Variants in EIF2S1 observed in about 807,000 individuals in gnomAD.
EIF2S1 encodes eukaryotic translation initiation factor 2 subunit 1.
A neutral mutation model predicts 33.5 loss-of-function variants in EIF2S1; 5 were observed. The ratio of observed to expected loss-of-function variants is 0.15; its 90% CI spans 0.08 to 0.31. The LOEUF (loss-of-function observed/expected upper bound fraction) is 0.31, where lower values mean the gene tolerates loss of function less well. Among genes scored for constraint, EIF2S1 ranks in the 10% least tolerant of loss-of-function variants. The pLI is 1.00. For synonymous variants in EIF2S1, 99 were observed against 127.5 expected, an observed-to-expected ratio of 0.78 and a Z score of 1.51; for missense variants, 191 against 384.6, an observed-to-expected ratio of 0.50 and a Z score of 4.21.
At chr14:67,375,753 C>G (rs1018991075) in intron 3 of EIF2S1, among the ~76,000 whole-genome samples, 1 of 152,170 alleles carries the variant, frequency 6.6e-6, no homozygotes, top group African/African-American at 2.4e-5. Flanking sequence ...AGTCTCTAAA[C>G]TAGCAGCATT....
rs3067321 is a variant in EIF2S1, at chr14:67,375,232, C to CTGTGTGTG, written c.321+729_321+736dup. Among the ~76,000 whole-genome samples the CTGTGTGTG allele has an allele frequency of 7.0e-4, 97 of 137,670 alleles. 1 individual carries two copies. The highest frequency in any genetic ancestry group is 2.8e-3 in the East Asian group (13 of 4,628). The allele number at this position is 137,670 out of a possible 152,430, so 90.3% of individuals were successfully genotyped here. ...TCCTTCATCCTCTACATCCTCAGTT[C>CTGTGTGTG]TGTGTGTGTGTGTGTGTGTGTGTGT... On this transcript the variant is annotated intron_variant, in intron 3 of 7. Transcript: ENST00000256383.
chr14:67,369,357 C>T (rs1310268040), intron 2 of EIF2S1, among the ~76,000 whole-genome samples: 1 of 151,962 alleles, frequency 6.6e-6, no homozygotes, highest in Non-Finnish European at 1.5e-5. Flanking sequence ...TAATAGAGTT[C>T]AAAATATAAA....
At position 67,380,732 on chromosome 14, in the gene EIF2S1, C is replaced by T; in HGVS notation, c.547C>T (p.Arg183Cys). The change falls in exon 5 of 8, where the codon CGC (arginine) becomes TGC (cysteine). Residue 183 changes from arginine (R) to cysteine (C), a missense_variant. Arg to Cys is a radical substitution (Grantham distance 180). Transcript: ENST00000256383. ...AGTACTCATTAATAATATTAATAGGCGCTTGACCCCACAGGCTGTCAAAAT... is the reference window on the plus strand; with the variant it reads ...AGTACTCATTAATAATATTAATAGGTGCTTGACCCCACAGGCTGTCAAAAT... ...REVLINNINR[R>C]LTPQAVKIRA... The T allele has an allele frequency of 6.4e-7, 1 of 1,569,566 alleles. No homozygotes were observed. The highest frequency in any genetic ancestry group is 8.6e-7 in the Non-Finnish European group (1 of 1,160,000).
chr14:67,372,302 CTTAAAA>C (rs1238370333), intron 2 of EIF2S1, among the ~76,000 whole-genome samples: 3 of 152,088 alleles, frequency 2.0e-5, no homozygotes, highest in African/African-American at 7.2e-5. Context: ...CAAAAGTTAG[CTTAAAA>C]TGAATCATAG....
intron 2 of EIF2S1, among the ~76,000 whole-genome samples, chr14:67,365,738 G>C (rs2085772000): frequency 6.6e-6 from 1 of 152,144 alleles, no homozygotes; most frequent in Admixed American, 6.5e-5. Flanking sequence ...TTACCATCAT[G>C]TCCGAAAGGC....
intron 1 of EIF2S1, among the ~76,000 whole-genome samples, chr14:67,362,722 C>A (rs937125198): frequency 4.0e-5 from 6 of 151,374 alleles, no homozygotes; most frequent in South Asian, 2.1e-4. Flanking sequence ...AGTGTGACTT[C>A]GATATTGCGG....
chr14:67,374,620 A>G (rs1274288419), intron 3 of EIF2S1, 73 bp downstream of exon 3: 3 of 968,624 alleles, frequency 3.1e-6, no homozygotes, highest in Non-Finnish European at 4.7e-6. Context: ...TTAATTTCAT[A>G]CTGCTACTAC....
intron 7 of EIF2S1, 59 bp from the exon 8 acceptor site, chr14:67,383,256 A>G: frequency 6.4e-7 from 1 of 1,565,920 alleles, no homozygotes; most frequent in Non-Finnish European, 8.7e-7. Flanking sequence ...AATAGTATTG[A>G]AATTAAATTT....
rs950100872 is a variant in EIF2S1, at chr14:67,364,674, A to G, written c.-1-93A>G. On this transcript the variant is annotated intron_variant, in intron 1 of 7. Transcript: ENST00000256383. The stretch of plus-strand genomic sequence containing the variant: ...AAGACTAATAACTATTTTTTTCTTC[A>G]TCTTTTCTTTCAGTGGCAGGATGTG... The G allele has an allele frequency of 2.0e-5, 26 of 1,290,706 alleles. 1 individual carries two copies. The South Asian group carries it at 3.9e-4, about 19-fold the overall frequency. The allele number at this position is 1,290,706 out of a possible 1,614,324, so 80.0% of individuals were successfully genotyped here.
chr14:67,369,137 C>G (rs764222204), intron 2 of EIF2S1, among the ~76,000 whole-genome samples: 8 of 152,082 alleles, frequency 5.3e-5, no homozygotes, highest in Non-Finnish European at 1.2e-4. Flanking sequence ...CGACGATAAT[C>G]CTGTCTACAA....
rs1180510390 is a variant in EIF2S1 at position 67,386,106 on chromosome 14, G to A, written c.*2666G>A. 6.6e-6 allele frequency: 1 copy of A among 152,514 alleles called. No homozygotes were observed. The highest frequency in any genetic ancestry group is 6.5e-5 in the Admixed American group (1 of 15,276). The allele number at this position is 152,514 out of a possible 1,614,324, so 9.4% of individuals were successfully genotyped here. On this transcript the variant is annotated 3_prime_UTR_variant, in exon 8 of 8. Coordinates refer to ENST00000256383, the MANE Select transcript of EIF2S1 (RefSeq NM_004094.5). ...ACTGTTGCCAATTTGGAGGCAGGAAGCCATCAAACTAAACGTAGTTTAATT... is the reference window on the plus strand; with the variant it reads ...ACTGTTGCCAATTTGGAGGCAGGAAACCATCAAACTAAACGTAGTTTAATT...
At chr14:67,374,413 C>A (rs1263805035) in intron 2 of EIF2S1, 55 bp from the exon 3 acceptor site, 2 of 1,134,864 alleles carry the variant, frequency 1.8e-6, no homozygotes, top group Non-Finnish European at 2.5e-6. Context: ...AAGCTGGTTA[C>A]AATAGTACAG....
chr14:67,371,586 CTA>C (rs1199861672), intron 2 of EIF2S1, among the ~76,000 whole-genome samples: 5 of 152,156 alleles, frequency 3.3e-5, no homozygotes, highest in Non-Finnish European at 5.9e-5. Context: ...TTAGTATACT[CTA>C]TTATTCCTAG....
intron 4 of EIF2S1, 98 bp from the exon 5 acceptor site, chr14:67,380,561 A>G (rs956491150): frequency 3.3e-5 from 18 of 537,542 alleles, no homozygotes. Context: ...TAACTATTAT[A>G]TGCTTAACTA....
intron 2 of EIF2S1, among the ~76,000 whole-genome samples, chr14:67,368,221 G>A (rs2085793925): frequency 6.6e-6 from 1 of 152,224 alleles, no homozygotes; most frequent in South Asian, 2.1e-4. Flanking sequence ...ACGGCTTGCA[G>A]TTGGCTAGTT....
intron 2 of EIF2S1, among the ~76,000 whole-genome samples, chr14:67,365,869 T>C (rs1271154244): frequency 6.6e-6 from 1 of 152,214 alleles, no homozygotes; most frequent in African/African-American, 2.4e-5. Context: ...TAATTTTTTT[T>C]ATTATAGCCT....
At chr14:67,377,911 C>T (rs2085865634) in intron 4 of EIF2S1, among the ~76,000 whole-genome samples, 2 of 151,372 alleles carry the variant, frequency 1.3e-5, no homozygotes, top group African/African-American at 4.9e-5. Flanking sequence ...AGTTGGAGAC[C>T]ATCCTGGGCA....
Position 67,375,568 on chromosome 14 carries a change from A to T in EIF2S1, c.322-871A>T, listed in dbSNP as rs55715027. The stretch of plus-strand genomic sequence containing the variant: ...AGTTTCAATGAAGAGATTTTAAAAA[A>T]TCTTGCTTAATCCCAGTAAGAGAGA... On this transcript the variant is annotated intron_variant, in intron 3 of 7. Coordinates refer to ENST00000256383, the MANE Select transcript of EIF2S1 (RefSeq NM_004094.5). Among the ~76,000 whole-genome samples the T allele has an allele frequency of 4.2e-3, 636 of 152,292 alleles. 7 individuals carry two copies. The highest frequency in any genetic ancestry group is 0.012 in the Admixed American group (190 of 15,298).
Position 67,383,443 on chromosome 14 carries a change from T to G in EIF2S1, c.*3T>G, listed in dbSNP as rs761065120. 6.2e-7 allele frequency: 1 copy of G among 1,612,718 alleles called. No homozygotes were observed. The highest frequency in any genetic ancestry group is 8.5e-7 in the Non-Finnish European group (1 of 1,179,054). On this transcript the variant is annotated 3_prime_UTR_variant, in exon 8 of 8. Coordinates refer to ENST00000256383, the MANE Select transcript of EIF2S1 (RefSeq NM_004094.5). ...TGGAAGCCAAAGCTGAAGATTAACT[T>G]TGTGGGAAACAGAGTCCAATTTAAG...
Sources: gnomAD v4.1 joint callset for allele counts (sites outside exome capture counted in the v4.1 genomes callset) on GRCh38, gnomAD v4.1.1 for gene constraint, MANE v1.5 for transcripts, NCBI Gene and HGNC (gene_info 2026-07-23, HGNC 2026-07-21) for gene names.